PLEK2: variants seen among roughly 807,000 people sequenced by gnomAD.
PLEK2 encodes pleckstrin 2.
Under a neutral mutation model 43.8 loss-of-function variants are expected in PLEK2, and 29 were observed. That is an observed-to-expected ratio of 0.66 (90% confidence interval 0.49 to 0.90). PLEK2 has a LOEUF of 0.90. Ranked by LOEUF, PLEK2 falls within the 40% of genes least tolerant of loss-of-function variation. PLEK2 has a pLI of 0.00. For synonymous variants in PLEK2, 162 were observed against 173.2 expected (o/e 0.94, Z 0.51); for missense variants, 398 against 448.1 (o/e 0.89, Z 1.01).
At chr14:67,396,260 G>A (rs57635744) in intron 2 of PLEK2, among the ~76,000 whole-genome samples, 34,975 of 144,724 alleles carry the variant, frequency 0.24, 3,978 homozygotes, top group African/African-American at 0.5. Flanking sequence ...CAATTCTCCT[G>A]CCTCAGCCTC....
At chr14:67,397,191 G>A (rs532427634) in intron 2 of PLEK2, among the ~76,000 whole-genome samples, 8 of 152,112 alleles carry the variant, frequency 5.3e-5, no homozygotes, top group Non-Finnish European at 1.2e-4. Flanking sequence ...TGCCCATCTC[G>A]GCCTCCCAAA....
chr14:67,405,045 C>A (rs2086070054), intron 1 of PLEK2, among the ~76,000 whole-genome samples: 1 of 151,352 alleles, frequency 6.6e-6, no homozygotes, highest in Admixed American at 6.6e-5. Context: ...ACCACCGTGG[C>A]CAACATGGCG....
At chr14:67,400,519 G>A (rs535063120) in intron 1 of PLEK2, among the ~76,000 whole-genome samples, 71 of 152,250 alleles carry the variant, frequency 4.7e-4, no homozygotes, top group African/African-American at 1.6e-3. Context: ...ACCACCCCCC[G>A]CCCCAACTGC....
intron 1 of PLEK2, 109 bp downstream of exon 1, chr14:67,411,909 A>T (rs1052439129): frequency 9.8e-7 from 1 of 1,018,438 alleles, no homozygotes; most frequent in Non-Finnish European, 1.4e-6. Context: ...GGGGTTGGGG[A>T]TGGGAACCAG....
chr14:67,390,904 T>C (rs2085961756), intron 6 of PLEK2, among the ~76,000 whole-genome samples, 158 bp from the exon 7 acceptor site: 1 of 152,158 alleles, frequency 6.6e-6, no homozygotes. Context: ...AGCAATGACA[T>C]GTCACAGACC....
At chr14:67,405,671 T>C (rs1286634748) in intron 1 of PLEK2, among the ~76,000 whole-genome samples, 2 of 152,224 alleles carry the variant, frequency 1.3e-5, no homozygotes, top group African/African-American at 2.4e-5. Flanking sequence ...AGGCTTCTTA[T>C]TGGCATTCTC....
Position 67,393,177 on chromosome 14 carries a change from C to T in PLEK2, c.454G>A (p.Gly152Arg). 1 of 1,613,802 alleles carries T rather than the reference C, an allele frequency of 6.2e-7. No homozygotes were observed. The highest frequency in any genetic ancestry group is 8.5e-7 in the Non-Finnish European group (1 of 1,179,680). ...AGGAAGGTCTTTTTATAGGTGCTTCCCTGCTCCATGTTGGGGCTTGAACGG... is the reference window on the plus strand; with the variant it reads ...AGGAAGGTCTTTTTATAGGTGCTTCTCTGCTCCATGTTGGGGCTTGAACGG... ...GIRSSPNMEQGSTYKKTFLGS... is the reference protein window; with the variant it reads ...GIRSSPNMEQRSTYKKTFLGS... The change falls in exon 4 of 9, where the codon GGA (glycine) becomes AGA (arginine). Residue 152 changes from glycine (G) to arginine (R), a missense_variant. Gly to Arg is a moderately radical substitution (Grantham distance 125). Transcript: ENST00000216446.
chr14:67,404,830 A>C (rs1595660308), intron 1 of PLEK2, among the ~76,000 whole-genome samples: 1 of 152,126 alleles, frequency 6.6e-6, no homozygotes, highest in Non-Finnish European at 1.5e-5. Context: ...TATATAGTAC[A>C]TAAGTATTTC....
intron 3 of PLEK2, 119 bp downstream of exon 3, chr14:67,395,283 C>T (rs772090321): frequency 1.3e-5 from 11 of 819,864 alleles, no homozygotes; most frequent in East Asian, 5.0e-5. Context: ...CCTGAAGCAC[C>T]GTGGTGGCAC....
At chr14:67,390,815 T>C in intron 6 of PLEK2, 69 bp from the exon 7 acceptor site, 1 of 1,097,276 alleles carries the variant, frequency 9.1e-7, no homozygotes, top group South Asian at 1.2e-5. Flanking sequence ...TATCTATGCA[T>C]GTAATGCCAA....
At chr14:67,393,065 T>G in intron 4 of PLEK2, 85 bp downstream of exon 4, 1 of 1,101,458 alleles carries the variant, frequency 9.1e-7, no homozygotes. Context: ...CTGACCTCAA[T>G]ACAGGGCGGT....
At chr14:67,410,035 G>A (rs1217905276) in intron 1 of PLEK2, among the ~76,000 whole-genome samples, 1 of 152,024 alleles carries the variant, frequency 6.6e-6, no homozygotes, top group African/African-American at 2.4e-5. Flanking sequence ...TGAGCTCTAG[G>A]TATTTCAGCC....
In PLEK2 at chr14:67,399,423, GAGA is replaced by G. The variant is rs367734056; in HGVS notation, c.43-1600_43-1598del. On this transcript the variant is annotated intron_variant, in intron 1 of 8. Transcript: ENST00000216446. ...GTGGGTCTCAGGTGGCAGGAATAAA[GAGA>G]AGGGTAGTTTAGGTGGCTGTCAGGT... is the stretch of plus-strand genomic sequence containing the variant. 3.4e-3 allele frequency among the ~76,000 whole-genome samples: 497 copies of G among 148,224 alleles called. 12 individuals are homozygous for G. The highest frequency in any genetic ancestry group is 0.011 in the African/African-American group (451 of 39,484).
rs1351509059 is a variant in PLEK2 at position 67,412,066 on chromosome 14, G to A, written c.-7C>T. 6 of 1,544,066 alleles carry A rather than the reference G, an allele frequency of 3.9e-6. No individual in the cohort carries two copies. The highest frequency in any genetic ancestry group is 4.4e-6 in the Non-Finnish European group (5 of 1,148,628). ...TGAGCACGCCGTCCTCCATGTCGCC[G>A]CCCGCACGCCAGGGCCACCCCAGGT... is the stretch of plus-strand genomic sequence containing the variant. On this transcript the variant is annotated 5_prime_UTR_variant, in exon 1 of 9. Transcript: ENST00000216446.
chr14:67,405,674 G>A (rs1356427740), intron 1 of PLEK2, among the ~76,000 whole-genome samples: 1 of 152,100 alleles, frequency 6.6e-6, no homozygotes, highest in Non-Finnish European at 1.5e-5. Flanking sequence ...CTTCTTATTG[G>A]CATTCTCTCT....
chr14:67,405,013 C>T (rs908105859), intron 1 of PLEK2, among the ~76,000 whole-genome samples: 1 of 151,668 alleles, frequency 6.6e-6, no homozygotes, highest in Admixed American at 6.6e-5. Context: ...GTAGGCGGGT[C>T]ACCTGAGGTC....
At chr14:67,390,870 C>T in intron 6 of PLEK2, 124 bp from the exon 7 acceptor site, 1 of 766,804 alleles carries the variant, frequency 1.3e-6, no homozygotes. Flanking sequence ...CATTCTAAAA[C>T]CAGTCCACAG....
At chr14:67,401,847 G>A (rs139364338) in intron 1 of PLEK2, among the ~76,000 whole-genome samples, 10 of 152,238 alleles carry the variant, frequency 6.6e-5, no homozygotes, top group East Asian at 5.8e-4. Flanking sequence ...AATACAGGCC[G>A]GCGCGGTGGC....
chr14:67,391,004 A>G (rs1285746518), intron 6 of PLEK2, among the ~76,000 whole-genome samples: 1 of 152,134 alleles, frequency 6.6e-6, no homozygotes, highest in Admixed American at 6.5e-5. Flanking sequence ...TCCATGCAGA[A>G]GGAAAGGGGA....
Sources: gnomAD v4.1 joint callset for allele counts (sites outside exome capture counted in the v4.1 genomes callset) on GRCh38, gnomAD v4.1.1 for gene constraint, MANE v1.5 for transcripts, NCBI Gene and HGNC (gene_info 2026-07-23, HGNC 2026-07-21) for gene names.